The following ANKFN1 variants were observed in gnomAD, a reference collection of about 807,000 sequenced individuals.
ANKFN1 encodes the protein ankyrin repeat and fibronectin type-III domain-containing protein 1.
Under a neutral mutation model 108.7 loss-of-function variants are expected in ANKFN1, and 74 were observed. That is an observed-to-expected ratio of 0.68 (90% CI 0.56 to 0.83). The LOEUF (loss-of-function observed/expected upper bound fraction) is 0.83, where lower values mean the gene tolerates loss of function less well. Ranked by LOEUF, ANKFN1 falls within the 40% of genes least tolerant of loss-of-function variation. The pLI is 0.00. For synonymous variants in ANKFN1, 547 were observed against 516.2 expected, an observed-to-expected ratio of 1.06 and a Z score of -0.81; for missense variants, 1,505 against 1,382.3, an observed-to-expected ratio of 1.09 and a Z score of -1.41.
At chr17:56,101,482 C>T (rs749016421) in intron 4 of ANKFN1, among the ~76,000 whole-genome samples, 13 of 152,206 alleles carry the variant, frequency 8.5e-5, no homozygotes, top group Non-Finnish European at 1.8e-4. Flanking sequence ...TTAGGGACTT[C>T]TCAGCAACTC....
Position 56,112,562 on chromosome 17 carries a change from C to G in ANKFN1, c.288+66237C>G, listed in dbSNP as rs113337970. 8.5e-3 allele frequency among the ~76,000 whole-genome samples: 1,290 copies of G among 152,074 alleles called. 4 individuals are homozygous for G. Among genetic ancestry groups the G allele is most frequent in the South Asian group, 0.017 (84 of 4,824 alleles). ...CCCTTCCCTCTCTAGATATAACCAC[C>G]ATTGGCTGGATAATGTTTTCTAAAA... On this transcript the variant is annotated intron_variant, in intron 4 of 12. Transcript: ENST00000635860.
At chr17:56,259,621 A>G (rs1227394275) in intron 3 of ANKFN1, among the ~76,000 whole-genome samples, 1 of 152,136 alleles carries the variant, frequency 6.6e-6, no homozygotes, top group Non-Finnish European at 1.5e-5. Context: ...ATAAAATGAT[A>G]AAAAAGAGAG....
At chr17:56,077,120 A>G (rs1313903563) in intron 4 of ANKFN1, among the ~76,000 whole-genome samples, 1 of 152,194 alleles carries the variant, frequency 6.6e-6, no homozygotes, top group Non-Finnish European at 1.5e-5. Flanking sequence ...TGTGTGAGGC[A>G]GGTAGATAAT....
chr17:56,499,323 C>G (rs1296947135), intron 20 of ANKFN1, among the ~76,000 whole-genome samples: 1 of 152,114 alleles, frequency 6.6e-6, no homozygotes, highest in Non-Finnish European at 1.5e-5. Flanking sequence ...AGGGAAGAGT[C>G]ATTCCAGTTC....
chr17:56,424,018 A>G (rs570909900), intron 8 of ANKFN1, among the ~76,000 whole-genome samples: 41 of 152,330 alleles, frequency 2.7e-4, no homozygotes, highest in African/African-American at 9.9e-4. Context: ...CTGAAGGTGG[A>G]GAACCTAAAT....
intron 3 of ANKFN1, among the ~76,000 whole-genome samples, chr17:56,278,450 G>T (rs545211698): frequency 6.6e-6 from 1 of 152,152 alleles, no homozygotes; most frequent in Non-Finnish European, 1.5e-5. Flanking sequence ...ATATCTCTTT[G>T]AAGTCTCATT....
At chr17:56,474,765 T>C (rs1286407571) in intron 15 of ANKFN1, among the ~76,000 whole-genome samples, 1 of 152,218 alleles carries the variant, frequency 6.6e-6, no homozygotes, top group Non-Finnish European at 1.5e-5. Flanking sequence ...TAGTGTTCAT[T>C]TCCCAAATTC....
intron 15 of ANKFN1, among the ~76,000 whole-genome samples, chr17:56,468,449 G>A (rs1432020640): frequency 6.6e-6 from 1 of 151,450 alleles, no homozygotes; most frequent in Non-Finnish European, 1.5e-5. Context: ...TCCAGTGATA[G>A]GGATGAATTG....
chr17:56,147,070 A>C (rs1398944171), intron 4 of ANKFN1, among the ~76,000 whole-genome samples: 1 of 152,182 alleles, frequency 6.6e-6, no homozygotes, highest in East Asian at 1.9e-4. Context: ...TCTTTGCTAA[A>C]GTATAACAAG....
Position 56,359,870 on chromosome 17 carries a change from A to C in ANKFN1, c.601+5824A>C, listed in dbSNP as rs182648293. Reference sequence around the variant, plus strand: ...CCTGGGAGACCCCACACTTGCTCCAACAGTGCTGCCATTGCTCTGAACACT... The same window carrying C: ...CCTGGGAGACCCCACACTTGCTCCACCAGTGCTGCCATTGCTCTGAACACT... On this transcript the variant is annotated intron_variant, in intron 6 of 20. Coordinates refer to ENST00000682825, the MANE Select transcript of ANKFN1 (RefSeq NM_001370326.1). 6.5e-4 allele frequency among the ~76,000 whole-genome samples: 99 copies of C among 152,236 alleles called. 1 individual carries two copies. The highest frequency in any genetic ancestry group is 2.2e-3 in the African/African-American group (92 of 41,564).
intron 3 of ANKFN1, among the ~76,000 whole-genome samples, chr17:56,246,581 G>A (rs536424182): frequency 9.2e-5 from 14 of 151,974 alleles, no homozygotes; most frequent in Non-Finnish European, 1.9e-4. Context: ...GAAGGACTTA[G>A]CCTACTAAGT....
intron 3 of ANKFN1, among the ~76,000 whole-genome samples, chr17:56,322,359 C>T (rs962421407): frequency 2.6e-5 from 4 of 152,128 alleles, no homozygotes; most frequent in South Asian, 2.1e-4. Flanking sequence ...TACATCTTCA[C>T]GGGCCTTCAC....
intron 4 of ANKFN1, among the ~76,000 whole-genome samples, chr17:56,094,518 TCGCCAGGC>T (rs1358259303): frequency 9.1e-6 from 1 of 109,974 alleles, no homozygotes; most frequent in Non-Finnish European, 1.7e-5. Flanking sequence ...TCTTGTTTTG[TCGCCAGGC>T]TGCCAGGCTG....
chr17:56,057,618 T>C (rs1021070995), intron 4 of ANKFN1, among the ~76,000 whole-genome samples: 1 of 152,094 alleles, frequency 6.6e-6, no homozygotes, highest in Non-Finnish European at 1.5e-5. Flanking sequence ...AAAACCAGTC[T>C]CTACTAAAAG....
intron 8 of ANKFN1, among the ~76,000 whole-genome samples, chr17:56,389,325 T>C (rs2047365188): frequency 6.6e-6 from 1 of 152,220 alleles, no homozygotes; most frequent in Non-Finnish European, 1.5e-5. Flanking sequence ...TGCTGCACAA[T>C]TCCATTTATG....
intron 1 of ANKFN1, among the ~76,000 whole-genome samples, chr17:56,177,868 T>C (rs541165127): frequency 1.3e-5 from 2 of 152,310 alleles, no homozygotes; most frequent in Middle Eastern, 6.8e-3. Context: ...TTTTAATACA[T>C]TATTAATATT....
chr17:56,302,392 G>A (rs1415388467), intron 3 of ANKFN1, among the ~76,000 whole-genome samples: 1 of 151,886 alleles, frequency 6.6e-6, no homozygotes, highest in African/African-American at 2.4e-5. Context: ...AGGCATGGTG[G>A]CAGTCCCAGT....
chr17:56,444,010 A>C (rs1199690907), intron 10 of ANKFN1, among the ~76,000 whole-genome samples: 2 of 152,252 alleles, frequency 1.3e-5, no homozygotes, highest in African/African-American at 4.8e-5. Flanking sequence ...TTCTACGTCT[A>C]GGACTCTACC....
intron 3 of ANKFN1, among the ~76,000 whole-genome samples, chr17:56,276,206 T>C (rs1272645706): frequency 1.3e-5 from 2 of 152,230 alleles, no homozygotes; most frequent in Non-Finnish European, 2.9e-5. Flanking sequence ...CATGGAATAC[T>C]GCATAGTATT....
Sources: gnomAD v4.1 joint callset for allele counts (sites outside exome capture counted in the v4.1 genomes callset) on GRCh38, gnomAD v4.1.1 for gene constraint, MANE v1.5 for transcripts, NCBI Gene and HGNC (gene_info 2026-07-23, HGNC 2026-07-21) for gene names.